Variants in ANAPC10 observed in about 807,000 individuals in gnomAD.
ANAPC10 encodes the protein anaphase-promoting complex subunit 10.
Under a neutral mutation model 22.0 loss-of-function variants are expected in ANAPC10, and 12 were observed. The observed-to-expected ratio is 0.55, with a 90% confidence interval of 0.35 to 0.88. ANAPC10 has a LOEUF of 0.88. Ranked by LOEUF, ANAPC10 falls within the 40% of genes least tolerant of loss-of-function variation. ANAPC10 has a pLI of 0.01. For missense variants in ANAPC10, 188 were observed against 220.9 expected, an observed-to-expected ratio of 0.85 and a Z score of 0.94; for synonymous variants, 65 against 69.5, an observed-to-expected ratio of 0.94 and a Z score of 0.32.
intron 4 of ANAPC10, among the ~76,000 whole-genome samples, chr4:145,000,988 G>A (rs903158330): frequency 6.6e-6 from 1 of 151,988 alleles, no homozygotes; most frequent in Admixed American, 6.6e-5. Context: ...AATGGGAATT[G>A]AACAATGAGA....
chr4:145,061,788 G>A (rs749297537), intron 4 of ANAPC10, among the ~76,000 whole-genome samples: 4 of 152,102 alleles, frequency 2.6e-5, no homozygotes, highest in Admixed American at 2.6e-4. Flanking sequence ...TCAGATATGT[G>A]ACTAAAAGAA....
At chr4:145,012,344 T>C (rs1734478523) in intron 4 of ANAPC10, among the ~76,000 whole-genome samples, 1 of 151,804 alleles carries the variant, frequency 6.6e-6, no homozygotes, top group Non-Finnish European at 1.5e-5. Context: ...TAAGAAGATA[T>C]TTTAAAGTGT....
chr4:145,008,090 A>C lies in ANAPC10; in HGVS notation c.328-12487T>G, dbSNP rs181520899. Reference sequence around the variant, plus strand: ...CAAATAAACTAGAAGATGAAGAAGAAATGGATAAATTCCTGGACACATACA... The same window carrying C: ...CAAATAAACTAGAAGATGAAGAAGACATGGATAAATTCCTGGACACATACA... On this transcript the variant is annotated intron_variant, in intron 4 of 4. Coordinates refer to ENST00000507656, the MANE Select transcript of ANAPC10 (RefSeq NM_001256706.2). 1.1e-3 allele frequency among the ~76,000 whole-genome samples: 165 copies of C among 152,254 alleles called. 1 individual carries two copies. The highest frequency in any genetic ancestry group is 3.6e-3 in the African/African-American group (149 of 41,560).
chr4:145,017,516 T>C (rs980250796), intron 4 of ANAPC10, among the ~76,000 whole-genome samples: 31 of 152,334 alleles, frequency 2.0e-4, no homozygotes, highest in African/African-American at 7.0e-4. Flanking sequence ...TTTTCCACTG[T>C]TGGTCAGACT....
At chr4:145,011,866 G>A (rs1404449655) in intron 4 of ANAPC10, among the ~76,000 whole-genome samples, 1 of 152,076 alleles carries the variant, frequency 6.6e-6, no homozygotes, top group Admixed American at 6.5e-5. Context: ...AAGGAGGGAA[G>A]CACTAGAGTT....
At chr4:145,020,342 A>T (rs1735792937) in intron 4 of ANAPC10, among the ~76,000 whole-genome samples, 1 of 152,216 alleles carries the variant, frequency 6.6e-6, no homozygotes, top group Non-Finnish European at 1.5e-5. Flanking sequence ...TCACATGATC[A>T]TCTCACCAGA....
chr4:145,017,515 G>T lies in ANAPC10; in HGVS notation c.328-21912C>A, dbSNP rs531617573. Among the ~76,000 whole-genome samples, 5 of 152,334 alleles carry T rather than the reference G, an allele frequency of 3.3e-5. No homozygotes were observed. The South Asian group carries it at 1.0e-3, about 32-fold the overall frequency. On this transcript the variant is annotated intron_variant, in intron 4 of 4. Coordinates refer to ENST00000507656, the MANE Select transcript of ANAPC10 (RefSeq NM_001256706.2). ...GGAGAAATAGGAACACTTTTCCACT[G>T]TTGGTCAGACTGTGAACTAGTTCAA...
intron 2 of ANAPC10, among the ~76,000 whole-genome samples, chr4:145,082,664 A>T (rs1746248582): frequency 1.3e-5 from 2 of 152,240 alleles, no homozygotes; most frequent in African/African-American, 4.8e-5. Flanking sequence ...AATTCTGATT[A>T]ATCAAAATTA....
intron 2 of ANAPC10, among the ~76,000 whole-genome samples, chr4:145,088,856 T>G (rs186523953): frequency 6.6e-6 from 1 of 152,178 alleles, no homozygotes; most frequent in African/African-American, 2.4e-5. Context: ...TGTCCCACCA[T>G]GTCTAATTAC....
chr4:145,055,904 ATTTTGTGGTATATG>A (rs1399965960), intron 4 of ANAPC10, among the ~76,000 whole-genome samples: 3 of 152,192 alleles, frequency 2.0e-5, no homozygotes, highest in African/African-American at 7.2e-5. Context: ...CAGGTGGTAA[ATTTTGTGGTATATG>A]TTTTTTGCAA....
At chr4:145,009,785 C>T (rs1282418052) in intron 4 of ANAPC10, among the ~76,000 whole-genome samples, 17 of 152,102 alleles carry the variant, frequency 1.1e-4, no homozygotes, top group Non-Finnish European at 2.1e-4. Context: ...GTCTAAAACA[C>T]CAAAAGCAAT....
chr4:145,006,804 G>A (rs1169716921), intron 4 of ANAPC10, among the ~76,000 whole-genome samples: 2 of 151,852 alleles, frequency 1.3e-5, no homozygotes, highest in Non-Finnish European at 2.9e-5. Context: ...GTCCTGTTTT[G>A]TTGCCTCTGT....
intron 4 of ANAPC10, among the ~76,000 whole-genome samples, chr4:145,006,398 T>C (rs1458749067): frequency 1.3e-5 from 2 of 152,030 alleles, no homozygotes; most frequent in Non-Finnish European, 2.9e-5. Flanking sequence ...GCATGAGATA[T>C]GGGTCTCCTG....
chr4:145,033,632 C>T (rs1737975389), intron 4 of ANAPC10, among the ~76,000 whole-genome samples: 1 of 152,174 alleles, frequency 6.6e-6, no homozygotes, highest in South Asian at 2.1e-4. Flanking sequence ...GAAACTACAA[C>T]AGCCCAATCC....
intron 4 of ANAPC10, among the ~76,000 whole-genome samples, chr4:145,022,361 G>A (rs936996263): frequency 2.0e-5 from 3 of 152,102 alleles, no homozygotes; most frequent in East Asian, 1.9e-4. Context: ...AACGGCATTC[G>A]CAGCGACCTG....
rs70956825 is a variant in ANAPC10 at position 145,081,226 on chromosome 4, T to TA, written c.206+433dup. Among the ~76,000 whole-genome samples, 709 of 115,690 alleles carry TA rather than the reference T, an allele frequency of 6.1e-3. 2 individuals carry two copies. Among genetic ancestry groups the TA allele is most frequent in the South Asian group, 0.012 (43 of 3,656 alleles). The allele number at this position is 115,690 out of a possible 152,430, so 75.9% of individuals were successfully genotyped here. The stretch of plus-strand genomic sequence containing the variant: ...GGAAAATGTCCTTAAAGGTTCTAAG[T>TA]AAAAAAAAAAAAAAAAATTTTCCAA... On this transcript the variant is annotated intron_variant, in intron 3 of 4. Transcript: ENST00000507656.
At chr4:145,023,292 G>A (rs746960435) in intron 4 of ANAPC10, among the ~76,000 whole-genome samples, 23 of 152,060 alleles carry the variant, frequency 1.5e-4, no homozygotes, top group Non-Finnish European at 2.6e-4. Context: ...CAGAATAACC[G>A]TTAGCCTTCA....
rs117960848 is a variant in ANAPC10 at position 145,025,052 on chromosome 4, C to T, written c.328-29449G>A. Among the ~76,000 whole-genome samples, 1,170 of 152,260 alleles carry T rather than the reference C, an allele frequency of 7.7e-3. 47 individuals carry two copies. In the East Asian group the frequency reaches 0.14, roughly 18 times the overall value. ...GGATTTTTTCCTTAAATCTCATGAA[C>T]CAACCTCTGCTAGCTTCAAACTCTC... On this transcript the variant is annotated intron_variant, in intron 4 of 4. Transcript: ENST00000507656.
chr4:145,079,307 T>C (rs951807503), intron 3 of ANAPC10, among the ~76,000 whole-genome samples: 2 of 151,840 alleles, frequency 1.3e-5, no homozygotes, highest in African/African-American at 2.4e-5. Context: ...GAAATACAAA[T>C]CAAAACCACA....
Sources: allele counts gnomAD v4.1 joint callset (sites outside exome capture counted in the v4.1 genomes callset), GRCh38; gene constraint gnomAD v4.1.1; transcripts MANE v1.5; gene names NCBI Gene and HGNC (gene_info 2026-07-23, HGNC 2026-07-21).